FANCB: variants seen among roughly 807,000 people sequenced by gnomAD.
FANCB encodes Fanconi anemia group B protein.
Under a neutral mutation model 38.9 loss-of-function variants are expected in FANCB, and 5 were observed. That is an observed-to-expected ratio of 0.13 (90% CI 0.07 to 0.27). The LOEUF is 0.27. Among genes scored for constraint, FANCB ranks in the 10% least tolerant of loss-of-function variants. The probability of loss-of-function intolerance (pLI) is 1.00; values close to 1 mark genes in which losing one functional copy is unlikely to be tolerated. For synonymous variants in FANCB, 236 were observed against 215.4 expected (o/e 1.10, Z -0.84); for missense variants, 573 against 602.7 (o/e 0.95, Z 0.52).
At chrX:14,868,221 G>A (rs919394290) in intron 2 of FANCB, among the ~76,000 whole-genome samples, 1 of 111,425 alleles carries the variant, frequency 9.0e-6, no homozygotes, top group Non-Finnish European at 1.9e-5. Context: ...ATATCCAAAG[G>A]AATGAAATCA....
the FANCB span, among the ~76,000 whole-genome samples, chrX:14,815,181 GCA>G: frequency 5.1e-4 from 56 of 110,595 alleles, no homozygotes; most frequent in Non-Finnish European, 9.5e-4. Flanking sequence ...GGGGTGGGGG[GCA>G]GGGGGAGGGA....
At chrX:14,745,801 G>A in the FANCB span, among the ~76,000 whole-genome samples, 4 of 95,513 alleles carry the variant, frequency 4.2e-5, no homozygotes, top group East Asian at 3.7e-4. Context: ...CCGGGTTAAC[G>A]CCATTCTCCT....
chrX:14,827,315 T>C, the FANCB span, among the ~76,000 whole-genome samples: 1 of 111,757 alleles, frequency 8.9e-6, no homozygotes, highest in African/African-American at 3.2e-5. Flanking sequence ...TAAACTAACA[T>C]AGAGAGAATT....
the FANCB span, among the ~76,000 whole-genome samples, chrX:14,784,141 C>T: frequency 8.9e-6 from 1 of 112,296 alleles, no homozygotes; most frequent in Non-Finnish European, 1.9e-5. Context: ...ACCTGGAAGG[C>T]GGAGGTTGCG....
downstream of FANCB, among the ~76,000 whole-genome samples, chrX:14,841,856 T>C (rs1358287806): frequency 8.9e-6 from 1 of 112,099 alleles, no homozygotes; most frequent in Non-Finnish European, 1.9e-5. Context: ...GTAAGTTATT[T>C]GGCATATCTG....
At chrX:14,860,879 G>C (rs2092443709) in intron 3 of FANCB, among the ~76,000 whole-genome samples, 1 of 110,273 alleles carries the variant, frequency 9.1e-6, no homozygotes, top group African/African-American at 3.3e-5. Flanking sequence ...CAATTTTATT[G>C]ACAGATGGAT....
chrX:14,864,261 T>C (rs1467886851), intron 3 of FANCB, among the ~76,000 whole-genome samples: 1 of 112,137 alleles, frequency 8.9e-6, no homozygotes, highest in Non-Finnish European at 1.9e-5. Flanking sequence ...TACTATCATA[T>C]TAATAAAAAT....
chrX:14,707,967 C>CT, the FANCB span, among the ~76,000 whole-genome samples: 1 of 110,455 alleles, frequency 9.1e-6, no homozygotes, highest in Non-Finnish European at 1.9e-5. Context: ...TTACCAGTTT[C>CT]TTTTTTTTCC....
the FANCB span, among the ~76,000 whole-genome samples, chrX:14,757,250 C>T: frequency 3.6e-5 from 4 of 112,298 alleles, no homozygotes; most frequent in South Asian, 1.5e-3. Context: ...TGTCAAAGTG[C>T]TACCTGCATT....
chrX:14,793,571 C>T, the FANCB span, among the ~76,000 whole-genome samples: 1 of 112,044 alleles, frequency 8.9e-6, no homozygotes, highest in Non-Finnish European at 1.9e-5. Flanking sequence ...ATCAAATTTT[C>T]AAAATCCAAT....
At chrX:14,767,529 ATTG>A in the FANCB span, among the ~76,000 whole-genome samples, 1 of 105,715 alleles carries the variant, frequency 9.5e-6, no homozygotes, top group East Asian at 2.9e-4. Flanking sequence ...TCCACTTTTC[ATTG>A]TTTTTTTTTT....
the FANCB span, among the ~76,000 whole-genome samples, chrX:14,690,104 A>G: frequency 2.7e-5 from 3 of 111,807 alleles, no homozygotes; most frequent in East Asian, 8.4e-4. Flanking sequence ...GAAGAAAATT[A>G]CAAATTGGCT....
At chrX:14,775,023 G>A in the FANCB span, among the ~76,000 whole-genome samples, 3 of 109,852 alleles carry the variant, frequency 2.7e-5, no homozygotes, top group Non-Finnish European at 3.8e-5. Context: ...TAGTAGAGAC[G>A]GGGTTTCACT....
At chrX:14,792,647 A>C in the FANCB span, among the ~76,000 whole-genome samples, 3 of 112,226 alleles carry the variant, frequency 2.7e-5, no homozygotes, top group Non-Finnish European at 5.6e-5. Flanking sequence ...TGTAAATTTA[A>C]AAAGAAAATG....
At chrX:14,871,647 T>A (rs1299340618) in intron 1 of FANCB, among the ~76,000 whole-genome samples, 1 of 110,925 alleles carries the variant, frequency 9.0e-6, no homozygotes, top group Non-Finnish European at 1.9e-5. Flanking sequence ...TGTGTATATA[T>A]ATATATAATC....
At chrX:14,814,544 T>G in the FANCB span, among the ~76,000 whole-genome samples, 1 of 112,336 alleles carries the variant, frequency 8.9e-6, no homozygotes, top group Admixed American at 9.4e-5. Flanking sequence ...AGAAGACATT[T>G]ATGCAGCCAA....
the FANCB span, among the ~76,000 whole-genome samples, chrX:14,803,787 G>GA: frequency 9.0e-6 from 1 of 110,598 alleles, no homozygotes; most frequent in Non-Finnish European, 1.9e-5. Context: ...AAATTTACAA[G>GA]AAAAAAACAC....
At chrX:14,730,930 AC>A in the FANCB span, 1 of 118,047 alleles carries the variant, frequency 8.5e-6, no homozygotes, top group Non-Finnish European at 1.7e-5. Context: ...ACACACACAC[AC>A]ACACACACAC....
At chrX:14,840,556 T>C (rs776213711), downstream of FANCB, among the ~76,000 whole-genome samples, 1 of 111,808 alleles carries the variant, frequency 8.9e-6, no homozygotes, top group Non-Finnish European at 1.9e-5. Flanking sequence ...AACGAGAGTT[T>C]CAGTAAGAAA....
Sources: gnomAD v4.1 joint callset for allele counts (sites outside exome capture counted in the v4.1 genomes callset) on GRCh38, gnomAD v4.1.1 for gene constraint, MANE v1.5 for transcripts, NCBI Gene and HGNC (gene_info 2026-07-23, HGNC 2026-07-21) for gene names.